KLF13: variants seen among roughly 807,000 people sequenced by gnomAD.
KLF13 encodes Krueppel-like factor 13.
A neutral mutation model predicts 16.7 loss-of-function variants in KLF13; 8 were observed. The ratio of observed to expected loss-of-function variants is 0.48; its 90% confidence interval spans 0.28 to 0.87. The LOEUF is 0.87. Ranked by LOEUF, KLF13 falls within the 40% of genes least tolerant of loss-of-function variation. The probability of loss-of-function intolerance (pLI) is 0.10; values close to 1 mark genes in which losing one functional copy is unlikely to be tolerated. For synonymous variants in KLF13, 245 were observed against 208.4 expected (o/e 1.18, Z -1.51); for missense variants, 447 against 452.2 (o/e 0.99, Z 0.10).
downstream of KLF13, among the ~76,000 whole-genome samples, chr15:31,380,217 G>A (rs980899796): frequency 1.3e-5 from 2 of 152,124 alleles, no homozygotes; most frequent in Admixed American, 6.5e-5. Context: ...GTTTGAACCC[G>A]GGAGGCAGAG....
chr15:31,397,874 C>CGGGGGG (rs139315375), intron 2 of KLF13, among the ~76,000 whole-genome samples: 4 of 90,418 alleles, frequency 4.4e-5, no homozygotes, highest in African/African-American at 2.2e-4. Flanking sequence ...GGGGTGGCGG[C>CGGGGGG]GGGGGGGGTG....
Position 31,418,764 on chromosome 15 carries a change from T to C in KLF13, n.118-16606T>C, listed in dbSNP as rs140729516. 1.4e-3 allele frequency among the ~76,000 whole-genome samples: 207 copies of C among 152,308 alleles called. 1 individual carries two copies. The highest frequency in any genetic ancestry group is 4.8e-3 in the African/African-American group (199 of 41,574). ...TTTCCTAGCAGGATTTATGTATCAG[T>C]CCATTTTTGTGTTGCTATAAAGAAA... On this transcript the variant is annotated intron_variant and non_coding_transcript_variant, in intron 1 of 1. Coordinates refer to the KLF13 transcript ENST00000558225.
intron 1 of KLF13, among the ~76,000 whole-genome samples, chr15:31,432,608 C>G (rs1297987113): frequency 1.3e-5 from 2 of 151,942 alleles, no homozygotes; most frequent in Non-Finnish European, 2.9e-5. Context: ...ACCACCACAC[C>G]CAGCTAACTT....
intron 1 of KLF13, among the ~76,000 whole-genome samples, chr15:31,351,096 A>G (rs571445781): frequency 3.2e-4 from 49 of 152,338 alleles, no homozygotes; most frequent in African/African-American, 1.1e-3. Context: ...GGCCTGGGAA[A>G]CCTGAGTTGG....
chr15:31,371,433 T>G (rs1464090682), intron 1 of KLF13, among the ~76,000 whole-genome samples: 1 of 152,246 alleles, frequency 6.6e-6, no homozygotes, highest in Non-Finnish European at 1.5e-5. Context: ...TTTGGGACTT[T>G]TGTGAGAGAA....
chr15:31,359,974 C>T (rs1222681627), intron 1 of KLF13, among the ~76,000 whole-genome samples: 1 of 152,194 alleles, frequency 6.6e-6, no homozygotes, highest in Non-Finnish European at 1.5e-5. Context: ...AACAGGGTTC[C>T]TGCCCCAGTG....
intron 1 of KLF13, among the ~76,000 whole-genome samples, chr15:31,359,163 C>T (rs2039344203): frequency 6.6e-6 from 1 of 152,198 alleles, no homozygotes; most frequent in African/African-American, 2.4e-5. Context: ...ATACGTCTCC[C>T]TACTTATCCA....
chr15:31,428,090 T>C (rs151243851), intron 1 of KLF13, among the ~76,000 whole-genome samples: 2 of 152,338 alleles, frequency 1.3e-5, no homozygotes, highest in East Asian at 1.9e-4. Flanking sequence ...GAAGACATTA[T>C]GCTAAGCAAA....
intron 1 of KLF13, among the ~76,000 whole-genome samples, chr15:31,335,161 T>C (rs2038907111): frequency 6.6e-6 from 1 of 152,156 alleles, no homozygotes; most frequent in African/African-American, 2.4e-5. Context: ...ATAGTGGCTA[T>C]GTGGAACTTC....
upstream of KLF13, among the ~76,000 whole-genome samples, chr15:31,390,330 G>A (rs1236686142): frequency 6.6e-6 from 1 of 152,150 alleles, no homozygotes; most frequent in African/African-American, 2.4e-5. Flanking sequence ...AGGATGCATG[G>A]GACGATGGGT....
intron 1 of KLF13, among the ~76,000 whole-genome samples, chr15:31,333,582 A>G (rs761528508): frequency 4.6e-5 from 7 of 152,132 alleles, no homozygotes; most frequent in African/African-American, 7.2e-5. Context: ...AAAGAAAGAA[A>G]AATTAATTTT....
At chr15:31,413,203 C>CAAAAAAAAAAAAAAAAAAAAAAAA (rs1341640127) in intron 1 of KLF13, among the ~76,000 whole-genome samples, 3 of 130,240 alleles carry the variant, frequency 2.3e-5, no homozygotes, top group Non-Finnish European at 1.6e-5. Flanking sequence ...AAAAAAAAAA[C>CAAAAAAAAAAAAAAAAAAAAAAAA]AAAAAACAAA....
chr15:31,348,985 T>G (rs1379158103), intron 1 of KLF13, among the ~76,000 whole-genome samples: 2 of 152,110 alleles, frequency 1.3e-5, no homozygotes, highest in East Asian at 3.9e-4. Flanking sequence ...CCCTACAGCC[T>G]CATGACATTA....
intron 1 of KLF13, among the ~76,000 whole-genome samples, chr15:31,423,418 G>A (rs184659794): frequency 1.1e-4 from 16 of 151,862 alleles, no homozygotes; most frequent in African/African-American, 3.9e-4. Flanking sequence ...GATCACGTGA[G>A]GTCAGGAGTT....
Position 31,327,611 on chromosome 15 carries a change from C to T in KLF13, c.399C>T (p.Pro133=), listed in dbSNP as rs1185837442. The change falls in exon 1 of 2, where the codon CCC becomes CCT. Residue 133 remains proline (P), a synonymous_variant. Transcript: ENST00000307145. Reference sequence around the variant, plus strand: ...CGGAGCCCGAGGCGGGGCTGGAGCCCGAGCGGGAGCCGGGGCCCGCGGGGA... The same window carrying T: ...CGGAGCCCGAGGCGGGGCTGGAGCCTGAGCGGGAGCCGGGGCCCGCGGGGA... The part of the protein sequence containing the change: ...SEPEPEAGLE[P]EREPGPAGSG... The T allele has an allele frequency of 2.4e-5, 32 of 1,321,008 alleles. No individual in the cohort carries two copies. In the East Asian group the frequency reaches 4.4e-4, roughly 18 times the overall value. The allele number at this position is 1,321,008 out of a possible 1,614,324, so 81.8% of individuals were successfully genotyped here. A position where few individuals can be genotyped will look rare whatever the true frequency, so the allele number is the denominator to read the frequency against.
In KLF13 at chr15:31,327,684, G is replaced by C. The variant is rs777199716; in HGVS notation, c.472G>C (p.Ala158Pro). ...RQRVRRGRSR[A>P]DLESPQRKHK... The stretch of plus-strand genomic sequence containing the variant: ...AAGGGTCCGGCGGGGCCGAAGTCGC[G>C]CCGACCTCGAGTCCCCGCAGAGGAA... The change falls in exon 1 of 2, where the codon GCC becomes CCC. Residue 158 changes from alanine (A) to proline (P), a missense_variant. Transcript: ENST00000307145. 2 of 1,523,870 alleles carry C rather than the reference G, an allele frequency of 1.3e-6. No individual in the cohort carries two copies. The highest frequency in any genetic ancestry group is 2.7e-5 in the East Asian group (1 of 36,558). The allele number at this position is 1,523,870 out of a possible 1,614,324, so 94.4% of individuals were successfully genotyped here. A position where few individuals can be genotyped will look rare whatever the true frequency, so the allele number is the denominator to read the frequency against.
chr15:31,374,954 GA>G lies in KLF13; in HGVS notation c.*2657del, dbSNP rs1367160527. The G allele has an allele frequency of 2.0e-5, 3 of 152,610 alleles. No homozygotes were observed. Among genetic ancestry groups the G allele is most frequent in the Non-Finnish European group, 2.9e-5 (2 of 68,036 alleles). 9.5% of individuals were successfully genotyped at this position (152,610 alleles called of 1,614,324 possible). Reference sequence around the variant, plus strand: ...CCAGGGCTGTTCCGTCTGATAGATGGAAGGGTAACATTGCCTTAAAACAGAA... The same window carrying G: ...CCAGGGCTGTTCCGTCTGATAGATGGAGGGTAACATTGCCTTAAAACAGAA... On this transcript the variant is annotated 3_prime_UTR_variant, in exon 2 of 2. Transcript: ENST00000307145.
chr15:31,378,372 C>A (rs1226965601), downstream of KLF13, among the ~76,000 whole-genome samples: 1 of 152,208 alleles, frequency 6.6e-6, no homozygotes, highest in East Asian at 1.9e-4. Flanking sequence ...ACCACGGGCA[C>A]TGACCCCAAA....
chr15:31,429,298 G>T (rs909844064), intron 1 of KLF13, among the ~76,000 whole-genome samples: 1 of 152,156 alleles, frequency 6.6e-6, no homozygotes, highest in Non-Finnish European at 1.5e-5. Context: ...ACAGATGAAC[G>T]TTGAAGACAC....
Sources: allele counts gnomAD v4.1 joint callset (sites outside exome capture counted in the v4.1 genomes callset), GRCh38; gene constraint gnomAD v4.1.1; transcripts MANE v1.5; gene names NCBI Gene and HGNC (gene_info 2026-07-23, HGNC 2026-07-21).